DCC: variants seen among roughly 807,000 people sequenced by gnomAD.
The protein encoded by DCC is netrin receptor DCC.
DCC carries 58 observed loss-of-function variants against 172.5 expected under a neutral mutation model. That is an observed-to-expected ratio of 0.34 (90% CI 0.27 to 0.42). The LOEUF (loss-of-function observed/expected upper bound fraction) is 0.42. Among genes scored for constraint, DCC ranks in the 10% least tolerant of loss-of-function variants. The pLI is 1.00. For synonymous variants in DCC, 709 were observed against 644.5 expected, an observed-to-expected ratio of 1.10 and a Z score of -1.52; for missense variants, 1,740 against 1,791.0, an observed-to-expected ratio of 0.97 and a Z score of 0.51.
chr18:52,923,624 T>G lies in DCC; in HGVS notation c.698-83T>G, dbSNP rs938445482. 5 of 1,122,558 alleles carry G rather than the reference T, an allele frequency of 4.5e-6. No individual in the cohort carries two copies. The African/African-American group carries it at 7.7e-5, about 17-fold the overall frequency. The allele number at this position is 1,122,558 out of a possible 1,614,324, so 69.5% of individuals were successfully genotyped here. On this transcript the variant is annotated intron_variant, in intron 3 of 28. Transcript: ENST00000442544. The stretch of plus-strand genomic sequence containing the variant: ...ATCTTTTCATTTTTCTTTCCATCTT[T>G]TGTTAGGAAAAAAATCAAAATATAT...
intron 5 of DCC, among the ~76,000 whole-genome samples, chr18:53,019,114 T>C (rs2041846247): frequency 6.6e-6 from 1 of 152,170 alleles, no homozygotes; most frequent in Admixed American, 6.5e-5. Context: ...GCACAATTAT[T>C]TTAACAATTA....
At chr18:52,814,911 G>C (rs2038265035) in intron 2 of DCC, among the ~76,000 whole-genome samples, 1 of 152,044 alleles carries the variant, frequency 6.6e-6, no homozygotes, top group African/African-American at 2.4e-5. Flanking sequence ...AGGTGGTGAT[G>C]GCTAAAAAAA....
At chr18:53,420,713 A>G (rs1241326828) in intron 21 of DCC, among the ~76,000 whole-genome samples, 1 of 152,114 alleles carries the variant, frequency 6.6e-6, no homozygotes, top group Non-Finnish European at 1.5e-5. Flanking sequence ...TTATGATTTA[A>G]TTACTTCCAT....
chr18:52,830,573 C>T (rs2038595580), intron 2 of DCC, among the ~76,000 whole-genome samples: 1 of 150,420 alleles, frequency 6.6e-6, no homozygotes, highest in Non-Finnish European at 1.5e-5. Context: ...TTATCTTTTT[C>T]TAATAGACTA....
intron 5 of DCC, among the ~76,000 whole-genome samples, chr18:52,930,677 G>C (rs973826107): frequency 1.3e-5 from 2 of 151,926 alleles, no homozygotes; most frequent in African/African-American, 2.4e-5. Context: ...TTGGACATTT[G>C]CATTTTACAT....
chr18:52,877,415 A>G (rs2145396585), intron 2 of DCC, among the ~76,000 whole-genome samples: 1 of 152,316 alleles, frequency 6.6e-6, no homozygotes, highest in East Asian at 1.9e-4. Context: ...ACAAAATATT[A>G]GTAAAGTTTT....
intron 2 of DCC, among the ~76,000 whole-genome samples, chr18:52,803,652 CAA>C (rs1007560912): frequency 2.0e-5 from 3 of 151,874 alleles, no homozygotes; most frequent in African/African-American, 4.8e-5. Context: ...TGCAAATCTC[CAA>C]AAAAAGTTTC....
intron 2 of DCC, among the ~76,000 whole-genome samples, chr18:52,869,785 G>A (rs576834765): frequency 3.3e-5 from 5 of 152,300 alleles, no homozygotes; most frequent in East Asian, 1.9e-4. Context: ...GTGACAGCCC[G>A]GGCTTGGCCC....
chr18:52,703,076 G>A (rs2145039564), intron 1 of DCC, among the ~76,000 whole-genome samples: 1 of 152,206 alleles, frequency 6.6e-6, no homozygotes, highest in East Asian at 1.9e-4. Flanking sequence ...GGATCATAGA[G>A]TTTTTCTTTC....
chr18:52,499,153 C>G (rs2849189), intron 1 of DCC, among the ~76,000 whole-genome samples: 1 of 152,128 alleles, frequency 6.6e-6, no homozygotes, highest in African/African-American at 2.4e-5. Context: ...TGCAAGCTCC[C>G]TGAATGCAGA....
intron 7 of DCC, among the ~76,000 whole-genome samples, chr18:53,106,135 T>C (rs2043243055): frequency 6.6e-6 from 1 of 151,880 alleles, no homozygotes; most frequent in Non-Finnish European, 1.5e-5. Flanking sequence ...TCAGATTGTT[T>C]TCTCTTTCTT....
rs540482623 is a variant in DCC, at chr18:53,022,529, T to TA, written c.986-40776_986-40775insA. On this transcript the variant is annotated intron_variant, in intron 5 of 28. Transcript: ENST00000442544. ...CATACATATATATGTTCAGTATTTT[T>TA]TATATATATATGTGCGTGTGTGTGT... is the stretch of plus-strand genomic sequence containing the variant. 1.9e-4 allele frequency among the ~76,000 whole-genome samples: 25 copies of TA among 130,626 alleles called. No homozygotes were observed. The East Asian group carries it at 3.5e-3, about 18-fold the overall frequency. 85.7% of individuals were successfully genotyped at this position (130,626 alleles called of 152,430 possible).
intron 12 of DCC, among the ~76,000 whole-genome samples, chr18:53,227,367 A>G (rs2056049896): frequency 1.3e-5 from 2 of 152,170 alleles, no homozygotes; most frequent in Non-Finnish European, 2.9e-5. Context: ...CAATCTTAAT[A>G]TATGTACTCA....
chr18:53,172,129 A>C (rs2055023281), intron 8 of DCC, among the ~76,000 whole-genome samples: 1 of 152,188 alleles, frequency 6.6e-6, no homozygotes, highest in African/African-American at 2.4e-5. Flanking sequence ...ACCATGGAAT[A>C]CTATGCAGCC....
intron 1 of DCC, among the ~76,000 whole-genome samples, chr18:52,539,466 C>T (rs183748120): frequency 3.3e-5 from 5 of 152,308 alleles, no homozygotes; most frequent in Admixed American, 1.3e-4. Context: ...ACCACCTGAG[C>T]TCCGCCTCCT....
At chr18:52,825,730 C>A (rs899332198) in intron 2 of DCC, among the ~76,000 whole-genome samples, 1 of 152,006 alleles carries the variant, frequency 6.6e-6, no homozygotes, top group African/African-American at 2.4e-5. Flanking sequence ...TATGAACAAG[C>A]CTCAAACTGT....
intron 2 of DCC, among the ~76,000 whole-genome samples, chr18:52,782,444 C>T (rs1162884081): frequency 6.6e-6 from 1 of 152,082 alleles, no homozygotes; most frequent in Non-Finnish European, 1.5e-5. Flanking sequence ...CCCATCCTCT[C>T]ATCTCCTACA....
intron 22 of DCC, among the ~76,000 whole-genome samples, chr18:53,450,280 C>T (rs950606602): frequency 1.3e-5 from 2 of 151,982 alleles, no homozygotes; most frequent in South Asian, 4.2e-4. Context: ...CTACTATGAA[C>T]GTTTCTCTAT....
chr18:52,506,784 T>G (rs2031244363), intron 1 of DCC, among the ~76,000 whole-genome samples: 1 of 152,172 alleles, frequency 6.6e-6, no homozygotes, highest in Non-Finnish European at 1.5e-5. Flanking sequence ...CTACTGTCAC[T>G]GCTGGTCATA....
Sources: allele counts gnomAD v4.1 joint callset (sites outside exome capture counted in the v4.1 genomes callset), GRCh38; gene constraint gnomAD v4.1.1; transcripts MANE v1.5; gene names NCBI Gene and HGNC (gene_info 2026-07-23, HGNC 2026-07-21).